The following GALNTL6 variants were observed in gnomAD, a reference collection of about 807,000 sequenced individuals.
The protein encoded by GALNTL6 is polypeptide N-acetylgalactosaminyltransferase-like 6.
In GALNTL6, 46 loss-of-function variants were observed where a neutral mutation model predicts 73.7. The ratio of observed to expected loss-of-function variants is 0.62; its 90% confidence interval spans 0.49 to 0.80. The LOEUF (loss-of-function observed/expected upper bound fraction) is 0.80. GALNTL6 is among the 30% of genes least tolerant of loss of function. The pLI is 0.00. For synonymous variants in GALNTL6, 259 were observed against 263.7 expected (o/e 0.98, Z 0.17); for missense variants, 604 against 755.0 (o/e 0.80, Z 2.34).
intron 2 of GALNTL6, among the ~76,000 whole-genome samples, chr4:172,163,778 T>G (rs1376320049): frequency 6.6e-6 from 1 of 151,996 alleles, no homozygotes; most frequent in Non-Finnish European, 1.5e-5. Flanking sequence ...TGGAAATTGC[T>G]TATTTTAAAA....
At chr4:172,385,020 G>GT (rs1230309180) in intron 5 of GALNTL6, among the ~76,000 whole-genome samples, 2 of 127,710 alleles carry the variant, frequency 1.6e-5, no homozygotes, top group Non-Finnish European at 1.6e-5. Context: ...TTGTTGTTTT[G>GT]TTTTTTTGTT....
intron 2 of GALNTL6, among the ~76,000 whole-genome samples, chr4:172,018,333 G>A (rs1362504600): frequency 6.6e-6 from 1 of 152,030 alleles, no homozygotes; most frequent in Non-Finnish European, 1.5e-5. Context: ...ATCAGGTAGG[G>A]GCAGGATTAT....
At chr4:172,039,239 C>T (rs776816646) in intron 2 of GALNTL6, among the ~76,000 whole-genome samples, 3 of 151,824 alleles carry the variant, frequency 2.0e-5, no homozygotes, top group Non-Finnish European at 2.9e-5. Context: ...TGGTGTAAAC[C>T]GCAAACTTTT....
At chr4:172,038,067 G>A (rs937773701) in intron 2 of GALNTL6, among the ~76,000 whole-genome samples, 12 of 151,510 alleles carry the variant, frequency 7.9e-5, no homozygotes, top group Non-Finnish European at 1.5e-4. Context: ...GCAGTGAGCC[G>A]AGATCGTGCC....
intron 3 of GALNTL6, among the ~76,000 whole-genome samples, chr4:172,271,542 A>C (rs750586495): frequency 6.6e-6 from 1 of 152,152 alleles, no homozygotes; most frequent in Admixed American, 6.6e-5. Context: ...GAGTACATAT[A>C]TATGCACAGA....
intron 5 of GALNTL6, among the ~76,000 whole-genome samples, chr4:172,677,585 G>C (rs139579164): frequency 5.3e-5 from 8 of 152,168 alleles, no homozygotes; most frequent in African/African-American, 1.9e-4. Context: ...AATTGGTCCA[G>C]GAAGAGTAGA....
At chr4:172,730,113 T>C (rs140589637) in intron 5 of GALNTL6, among the ~76,000 whole-genome samples, 154 of 152,328 alleles carry the variant, frequency 1.0e-3, no homozygotes, top group African/African-American at 3.1e-3. Context: ...CTTTTATCAG[T>C]TCTAACAGTT....
At chr4:172,014,706 A>G (rs1201965961) in intron 2 of GALNTL6, among the ~76,000 whole-genome samples, 1 of 151,916 alleles carries the variant, frequency 6.6e-6, no homozygotes, top group Non-Finnish European at 1.5e-5. Flanking sequence ...CTTTCCTCTT[A>G]GCACTGCTTT....
chr4:172,951,235 G>A (rs144924593), intron 9 of GALNTL6, among the ~76,000 whole-genome samples: 35 of 152,176 alleles, frequency 2.3e-4, no homozygotes, highest in Non-Finnish European at 4.3e-4. Flanking sequence ...AGCCACCCCC[G>A]TGATGCAGGT....
chr4:172,250,338 T>C (rs2111012786), intron 3 of GALNTL6, among the ~76,000 whole-genome samples: 1 of 152,316 alleles, frequency 6.6e-6, no homozygotes, highest in East Asian at 1.9e-4. Context: ...CAGAAGGGAC[T>C]TGCCTTGACT....
chr4:172,183,872 A>C (rs954296405), intron 2 of GALNTL6, among the ~76,000 whole-genome samples: 1 of 148,862 alleles, frequency 6.7e-6, no homozygotes, highest in Non-Finnish European at 1.5e-5. Flanking sequence ...AGCTCACTGC[A>C]ACCTCCACCT....
At chr4:172,109,164 A>T (rs1732778138) in intron 2 of GALNTL6, among the ~76,000 whole-genome samples, 1 of 152,192 alleles carries the variant, frequency 6.6e-6, no homozygotes, top group Non-Finnish European at 1.5e-5. Flanking sequence ...TGAATCAATC[A>T]ATGAAAGTAT....
At chr4:172,331,899 G>A (rs988068020) in intron 4 of GALNTL6, among the ~76,000 whole-genome samples, 1 of 152,152 alleles carries the variant, frequency 6.6e-6, no homozygotes, top group Non-Finnish European at 1.5e-5. Flanking sequence ...AAAAGAGATT[G>A]CAGGATCATA....
chr4:172,427,757 G>A (rs1731284875), intron 5 of GALNTL6, among the ~76,000 whole-genome samples: 1 of 152,054 alleles, frequency 6.6e-6, no homozygotes, highest in Non-Finnish European at 1.5e-5. Context: ...TGAACTTTTT[G>A]ACTGTGACAC....
At chr4:172,844,728 A>G (rs956800275) in intron 7 of GALNTL6, among the ~76,000 whole-genome samples, 1 of 152,186 alleles carries the variant, frequency 6.6e-6, no homozygotes, top group Admixed American at 6.5e-5. Context: ...GCAGTGTGAC[A>G]GTGTTCTCAG....
At chr4:172,572,314 G>A (rs186533242) in intron 5 of GALNTL6, among the ~76,000 whole-genome samples, 12 of 152,164 alleles carry the variant, frequency 7.9e-5, no homozygotes, top group Non-Finnish European at 1.6e-4. Context: ...AATCTGAGCT[G>A]AGAACCTCAC....
chr4:171,957,084 C>G (rs11935809), intron 2 of GALNTL6, among the ~76,000 whole-genome samples: 3,575 of 152,232 alleles, frequency 0.023, 134 homozygotes, highest in African/African-American at 0.078. Flanking sequence ...TGTAGTGTAC[C>G]TAAATCCTGC....
chr4:172,798,466 C>T (rs183763642), intron 5 of GALNTL6, among the ~76,000 whole-genome samples: 12 of 152,250 alleles, frequency 7.9e-5, no homozygotes, highest in South Asian at 2.1e-4. Flanking sequence ...ACTCTGGCCA[C>T]GTGATGTGTG....
intron 5 of GALNTL6, among the ~76,000 whole-genome samples, chr4:172,760,866 C>G (rs992743155): frequency 2.0e-5 from 3 of 152,094 alleles, no homozygotes; most frequent in Non-Finnish European, 1.5e-5. Context: ...GAGGAGCCCA[C>G]AGAAATGAGA....
Sources: allele counts gnomAD v4.1 joint callset (sites outside exome capture counted in the v4.1 genomes callset), GRCh38; gene constraint gnomAD v4.1.1; transcripts MANE v1.5; gene names NCBI Gene and HGNC (gene_info 2026-07-23, HGNC 2026-07-21).